The following COP1 variants were observed in gnomAD, a reference collection of about 807,000 sequenced individuals.
The protein encoded by COP1 is COP1 E3 ubiquitin ligase, also known as E3 ubiquitin-protein ligase COP1.
In COP1, 24 loss-of-function variants were observed where a neutral mutation model predicts 101.3. The ratio of observed to expected loss-of-function variants is 0.24; its 90% CI spans 0.17 to 0.33. The LOEUF is 0.33. Among genes scored for constraint, COP1 ranks in the 10% least tolerant of loss-of-function variants. The pLI is 1.00. For missense variants in COP1, 663 were observed against 906.2 expected (o/e 0.73, Z 3.45); for synonymous variants, 347 against 341.9 (o/e 1.01, Z -0.17).
intron 1 of COP1, among the ~76,000 whole-genome samples, chr1:176,203,089 G>A (rs1008174641): frequency 3.3e-5 from 5 of 152,020 alleles, no homozygotes; most frequent in African/African-American, 1.2e-4. Context: ...TGTAATCCCA[G>A]CACTTTGGGA....
chr1:176,011,991 G>A (rs1046685920), intron 15 of COP1, among the ~76,000 whole-genome samples: 1 of 152,054 alleles, frequency 6.6e-6, no homozygotes. Context: ...ATTTTAGAGT[G>A]TACTCCTTCT....
intron 8 of COP1, among the ~76,000 whole-genome samples, chr1:176,133,029 G>C (rs954741447): frequency 3.6e-5 from 2 of 55,288 alleles, no homozygotes; most frequent in African/African-American, 7.8e-5. Flanking sequence ...ATACACATAT[G>C]TACGTATATA....
chr1:176,128,887 CATAGGT>C (rs747579208), intron 8 of COP1, among the ~76,000 whole-genome samples: 39 of 151,954 alleles, frequency 2.6e-4, no homozygotes, highest in Non-Finnish European at 5.2e-4. Flanking sequence ...ATGCATTGGT[CATAGGT>C]AATAATCCAG....
At chr1:176,006,441 C>T (rs961184007) in intron 15 of COP1, among the ~76,000 whole-genome samples, 22 of 152,222 alleles carry the variant, frequency 1.4e-4, no homozygotes, top group African/African-American at 4.8e-4. Context: ...TTCTTCCTAG[C>T]CTCGATGGGC....
chr1:175,950,770 A>C (rs76105433), intron 18 of COP1, among the ~76,000 whole-genome samples: 2 of 152,372 alleles, frequency 1.3e-5, no homozygotes, highest in African/African-American at 4.8e-5. Context: ...CAGAAAAATT[A>C]GCAAGTCTTT....
chr1:176,135,872 G>A (rs945472089), intron 7 of COP1, among the ~76,000 whole-genome samples: 17 of 151,910 alleles, frequency 1.1e-4, no homozygotes, highest in Non-Finnish European at 1.6e-4. Flanking sequence ...AGAGGATACT[G>A]AACATCCACT....
At chr1:176,168,482 C>A (rs1695501809) in intron 3 of COP1, among the ~76,000 whole-genome samples, 1 of 88,624 alleles carries the variant, frequency 1.1e-5, no homozygotes, top group Non-Finnish European at 2.1e-5. Flanking sequence ...GGGAGGAAGG[C>A]AGGAAGGGAG....
chr1:175,993,522 G>C (rs1174605327), intron 15 of COP1, among the ~76,000 whole-genome samples: 1 of 152,132 alleles, frequency 6.6e-6, no homozygotes, highest in Non-Finnish European at 1.5e-5. Flanking sequence ...TGTATAACTA[G>C]AATAACCAAT....
intron 11 of COP1, among the ~76,000 whole-genome samples, chr1:176,047,582 T>C (rs1671733230): frequency 6.6e-6 from 1 of 152,230 alleles, no homozygotes; most frequent in Admixed American, 6.5e-5. Flanking sequence ...AATATCTATG[T>C]ATGTGTGTTT....
intron 7 of COP1, among the ~76,000 whole-genome samples, chr1:176,135,627 T>G (rs918004102): frequency 6.6e-5 from 10 of 152,044 alleles, no homozygotes; most frequent in Admixed American, 5.3e-4. Flanking sequence ...GACTCTAATT[T>G]TTGATCAGTA....
intron 5 of COP1, among the ~76,000 whole-genome samples, chr1:176,151,365 GAA>G (rs1254937105): frequency 1.2e-3 from 91 of 77,808 alleles, no homozygotes; most frequent in Middle Eastern, 0.011. Flanking sequence ...AAGAAAGAAA[GAA>G]AGAAAGAAAG....
At chr1:176,160,071 T>C (rs1694067659) in intron 5 of COP1, among the ~76,000 whole-genome samples, 1 of 152,202 alleles carries the variant, frequency 6.6e-6, no homozygotes, top group South Asian at 2.1e-4. Flanking sequence ...GCTTCTGAGG[T>C]GGCTCCCTCT....
At chr1:176,088,582 A>C (rs948087029) in intron 9 of COP1, among the ~76,000 whole-genome samples, 2 of 152,226 alleles carry the variant, frequency 1.3e-5, no homozygotes, top group Non-Finnish European at 2.9e-5. Flanking sequence ...ATTTCAAAGA[A>C]GGCATAATAA....
At chr1:176,163,045 T>TA in intron 4 of COP1, 57 bp from the exon 5 acceptor site, 1 of 1,520,238 alleles carries the variant, frequency 6.6e-7, no homozygotes, top group African/African-American at 1.4e-5. Context: ...TTTTAGAGAC[T>TA]AAAACAAATG....
intron 18 of COP1, among the ~76,000 whole-genome samples, chr1:175,969,259 C>T (rs964364963): frequency 1.3e-5 from 2 of 152,156 alleles, no homozygotes; most frequent in African/African-American, 4.8e-5. Flanking sequence ...AAGGAAAACA[C>T]AGTAGAGCAT....
intron 6 of COP1, among the ~76,000 whole-genome samples, chr1:176,143,138 GCGAGAGAA>G (rs949140004): frequency 8.1e-5 from 12 of 148,604 alleles, no homozygotes; most frequent in African/African-American, 3.1e-4. Context: ...GAGAGAGAGA[GCGAGAGAA>G]AGAGAGAGAG....
chr1:176,024,372 T>C (rs185842640), intron 15 of COP1, among the ~76,000 whole-genome samples: 4 of 152,292 alleles, frequency 2.6e-5, no homozygotes, highest in East Asian at 1.9e-4. Flanking sequence ...TACTATAGTA[T>C]GGGACATCAA....
intron 1 of COP1, among the ~76,000 whole-genome samples, chr1:176,197,861 A>G (rs1699861262): frequency 6.6e-6 from 1 of 152,216 alleles, no homozygotes; most frequent in East Asian, 1.9e-4. Flanking sequence ...GTGTATTTAC[A>G]TACTAGCAAC....
At chr1:176,108,591 A>C (rs1640107362) in intron 9 of COP1, among the ~76,000 whole-genome samples, 1 of 152,126 alleles carries the variant, frequency 6.6e-6, no homozygotes, top group South Asian at 2.1e-4. Flanking sequence ...CACATGGTTG[A>C]GCACATACAC....
Sources: gnomAD v4.1 joint callset for allele counts (sites outside exome capture counted in the v4.1 genomes callset) on GRCh38, gnomAD v4.1.1 for gene constraint, MANE v1.5 for transcripts, NCBI Gene and HGNC (gene_info 2026-07-23, HGNC 2026-07-21) for gene names.